The following CREBBP variants were observed in gnomAD, a reference collection of about 807,000 sequenced individuals.
CREBBP encodes the protein CREB-binding protein.
A neutral mutation model predicts 265.0 loss-of-function variants in CREBBP; 19 were observed. That is an observed-to-expected ratio of 0.07 (90% CI 0.05 to 0.11). The LOEUF (loss-of-function observed/expected upper bound fraction) is 0.11, where lower values mean the gene tolerates loss of function less well. Ranked by LOEUF, CREBBP falls within the 10% of genes least tolerant of loss-of-function variation. CREBBP has a pLI of 1.00. For missense variants in CREBBP, 2,525 were observed against 3,219.0 expected (o/e 0.78, Z 5.22); for synonymous variants, 1,457 against 1,223.7 (o/e 1.19, Z -3.98).
intron 11 of CREBBP, among the ~76,000 whole-genome samples, chr16:3,775,172 G>C (rs543361195): frequency 1.3e-5 from 2 of 152,330 alleles, no homozygotes; most frequent in South Asian, 4.1e-4. Flanking sequence ...ATCATCCGAG[G>C]ATTCCCAGCT....
At chr16:3,795,161 A>G (rs2053582977) in intron 3 of CREBBP, among the ~76,000 whole-genome samples, 1 of 152,222 alleles carries the variant, frequency 6.6e-6, no homozygotes, top group African/African-American at 2.4e-5. Flanking sequence ...AGAAGGACCC[A>G]AAGCAAAATC....
At chr16:3,813,073 C>T (rs1307032521) in intron 2 of CREBBP, 2 of 229,252 alleles carry the variant, frequency 8.7e-6, no homozygotes, top group African/African-American at 2.2e-5. Flanking sequence ...AAAGTCTAGG[C>T]TACAAACAAA....
At chr16:3,876,657 C>G (rs1234787526) in intron 1 of CREBBP, among the ~76,000 whole-genome samples, 1 of 152,122 alleles carries the variant, frequency 6.6e-6, no homozygotes, top group Non-Finnish European at 1.5e-5. Flanking sequence ...AGTGTAAAGG[C>G]TTCTACATAA....
In CREBBP at chr16:3,760,399, T is replaced by G. The variant is rs551714851; in HGVS notation, c.3251-1427A>C. Among the ~76,000 whole-genome samples the G allele has an allele frequency of 3.4e-4, 38 of 111,170 alleles. No individual in the cohort carries two copies. The East Asian group carries it at 8.1e-3, about 24-fold the overall frequency. The allele number at this position is 111,170 out of a possible 152,430, so 72.9% of individuals were successfully genotyped here. ...TAAGCTATCATGCCCAGGTTTTTTT[T>G]TTTTTTTTTTTTTTTTTTTTTGAGA... On this transcript the variant is annotated intron_variant, in intron 16 of 30. Transcript: ENST00000262367.
At chr16:3,814,064 A>G (rs989970799) in intron 2 of CREBBP, among the ~76,000 whole-genome samples, 19 of 152,118 alleles carry the variant, frequency 1.2e-4, no homozygotes, top group Non-Finnish European at 2.8e-4. Flanking sequence ...TATTTTGACA[A>G]TTTTCCTAAG....
intron 3 of CREBBP, among the ~76,000 whole-genome samples, chr16:3,798,878 A>G (rs746737384): frequency 7.9e-5 from 12 of 152,256 alleles, no homozygotes; most frequent in Non-Finnish European, 1.3e-4. Flanking sequence ...CGAAAACTGT[A>G]AAAAATGTTC....
chr16:3,865,663 G>C (rs534344709), intron 1 of CREBBP, among the ~76,000 whole-genome samples: 1 of 151,376 alleles, frequency 6.6e-6, no homozygotes, highest in East Asian at 1.9e-4. Flanking sequence ...TTTTGAGATG[G>C]AGTCTTGATC....
At position 3,726,833 on chromosome 16, in the gene CREBBP, C is replaced by G. The variant is rs1265756217; in HGVS notation, c.*885G>C. 1.3e-5 allele frequency: 3 copies of G among 233,404 alleles called. No homozygotes were observed. Among genetic ancestry groups the G allele is most frequent in the East Asian group, 6.0e-5 (1 of 16,540 alleles). 14.5% of individuals were successfully genotyped at this position (233,404 alleles called of 1,614,324 possible). A position where few individuals can be genotyped will look rare whatever the true frequency, so the allele number is the denominator to read the frequency against. On this transcript the variant is annotated 3_prime_UTR_variant, in exon 31 of 31. Transcript: ENST00000262367. ...GACCACCCTTTTTGTCTGTTGCACA[C>G]AGTTTATTTAACAATATGATATAAG...
intron 2 of CREBBP, among the ~76,000 whole-genome samples, chr16:3,845,602 G>A (rs887977768): frequency 1.3e-5 from 2 of 152,040 alleles, no homozygotes; most frequent in African/African-American, 4.8e-5. Flanking sequence ...AAGATTCAAG[G>A]AGGCCAGACA....
Position 3,728,597 on chromosome 16 carries a change from C to T in CREBBP, c.6450G>A (p.Pro2150=), listed in dbSNP as rs371497730. The T allele has an allele frequency of 2.8e-5, 45 of 1,613,642 alleles. No homozygotes were observed. The highest frequency in any genetic ancestry group is 6.7e-5 in the Admixed American group (4 of 59,984). The change falls in exon 31 of 31, where the codon CCG becomes CCA. Residue 2150 remains proline (P), a synonymous_variant. Coordinates refer to ENST00000262367, the MANE Select transcript of CREBBP (RefSeq NM_004380.3). The surrounding 1 kb of genome is among the most constrained non-coding windows in gnomAD (Gnocchi z 8.7). ...GCTGCTGTGGAGGCACACCGGGCCG[C>T]GGCACGCCAGCCTGCATGGCATTCA... ...QNLNAMQAGV[P]RPGVPPQQQA...
intron 20 of CREBBP, among the ~76,000 whole-genome samples, chr16:3,751,269 A>C (rs2052466728): frequency 6.6e-6 from 1 of 152,298 alleles, no homozygotes; most frequent in African/African-American, 2.4e-5. Flanking sequence ...ATACGTATAC[A>C]CATATTCAAA....
chr16:3,827,099 A>G (rs1471805005), intron 2 of CREBBP, among the ~76,000 whole-genome samples: 2 of 152,114 alleles, frequency 1.3e-5, no homozygotes, highest in South Asian at 2.1e-4. Flanking sequence ...AGGCTGTAGT[A>G]CACTATAATT....
chr16:3,761,047 C>T (rs550706577), intron 16 of CREBBP, among the ~76,000 whole-genome samples: 24 of 151,996 alleles, frequency 1.6e-4, no homozygotes, highest in African/African-American at 5.3e-4. Context: ...CTCCGCCTCC[C>T]GGGTTCAAGC....
At position 3,773,852 on chromosome 16, in the gene CREBBP, G is replaced by C; in HGVS notation, c.2362C>G (p.Pro788Ala). 2.5e-6 allele frequency: 4 copies of C among 1,612,384 alleles called. No homozygotes were observed. The highest frequency in any genetic ancestry group is 3.4e-6 in the Non-Finnish European group (4 of 1,180,030). The change falls in exon 13 of 31, where the codon CCC becomes GCC. Residue 788 changes from proline to alanine, a missense_variant. Around this residue, in one of 19 missense-constraint regions of CREBBP, gnomAD observed 548 missense variants for 533.0 expected, o/e 1.03. Coordinates refer to ENST00000262367, the MANE Select transcript of CREBBP (RefSeq NM_004380.3). ...AHTNNMMAQA[P>A]AQSQFLPQNQ... ...TGTGGCAGAAACTGGCTCTGAGCGG[G>C]CGCCTGGGCCATCATGTTGTTGGTG... is the stretch of plus-strand genomic sequence containing the variant.
intron 1 of CREBBP, among the ~76,000 whole-genome samples, chr16:3,870,428 T>C (rs779912612): frequency 3.3e-5 from 5 of 152,208 alleles, no homozygotes; most frequent in African/African-American, 1.2e-4. Flanking sequence ...CATTTACTTT[T>C]CCCTTTTCTC....
chr16:3,784,021 A>T (rs764853068), intron 5 of CREBBP, among the ~76,000 whole-genome samples: 11 of 152,228 alleles, frequency 7.2e-5, no homozygotes, highest in Non-Finnish European at 1.5e-4. Context: ...TCTATATGAT[A>T]CCATTTATTC....
rs761206763 is a variant in CREBBP, at chr16:3,782,710, T to C, written c.1547A>G (p.Gln516Arg). Residue 516 changes from glutamine to arginine, a missense_variant, in exon 6 of 31, where the codon CAG (glutamine) becomes CGG (arginine). By Grantham distance (43) the Gln-to-Arg change is conservative. This residue lies in a region of CREBBP where 144 missense variants were observed against 134.0 expected (regional missense o/e 1.07). Transcript: ENST00000262367. ...GQQPAQPQTHQQMRTLNPLGN... is the reference protein window; with the variant it reads ...GQQPAQPQTHRQMRTLNPLGN... The stretch of plus-strand genomic sequence containing the variant: ...CAGGGGGTTGAGAGTCCTCATCTGC[T>C]GGTGGGTTTGAGGCTGTGCTGGTTG... 5 of 1,614,154 alleles carry C rather than the reference T, an allele frequency of 3.1e-6. No homozygotes were observed. Among genetic ancestry groups the C allele is most frequent in the Middle Eastern group, 1.6e-4 (1 of 6,062 alleles).
At chr16:3,851,879 A>G (rs1265049776) in intron 1 of CREBBP, among the ~76,000 whole-genome samples, 2 of 135,258 alleles carry the variant, frequency 1.5e-5, no homozygotes, top group Non-Finnish European at 3.1e-5. Flanking sequence ...AAAAAAAAAA[A>G]GACAAAACAT....
chr16:3,781,128 AG>A, intron 7 of CREBBP, 75 bp downstream of exon 7: 1 of 1,369,044 alleles, frequency 7.3e-7, no homozygotes, highest in Non-Finnish European at 1.0e-6. Flanking sequence ...CCACACATTT[AG>A]AAAGAATCAG....
Sources: gnomAD v4.1 joint callset for allele counts (sites outside exome capture counted in the v4.1 genomes callset) on GRCh38, gnomAD v4.1.1 for gene constraint, gnomAD v4.1.1 regional missense constraint, Gnocchi (gnomAD v3.1) non-coding constraint, MANE v1.5 for transcripts, NCBI Gene and HGNC (gene_info 2026-07-23, HGNC 2026-07-21) for gene names.